SYN3: variants seen among roughly 807,000 people sequenced by gnomAD.
SYN3 encodes the protein synapsin-3.
SYN3 carries 35 observed loss-of-function variants against 65.8 expected under a neutral mutation model. That is an observed-to-expected ratio of 0.53 (90% CI 0.41 to 0.70). The LOEUF is 0.70. Among genes scored for constraint, SYN3 ranks in the 30% least tolerant of loss-of-function variants. The pLI, the probability that SYN3 is intolerant of heterozygous loss-of-function variation, is 0.00. For missense variants in SYN3, 680 were observed against 749.0 expected, an observed-to-expected ratio of 0.91 and a Z score of 1.08; for synonymous variants, 270 against 292.9, an observed-to-expected ratio of 0.92 and a Z score of 0.80.
intron 6 of SYN3, among the ~76,000 whole-genome samples, chr22:32,720,928 C>A (rs536682443): frequency 1.3e-5 from 2 of 152,274 alleles, no homozygotes; most frequent in South Asian, 4.2e-4. Flanking sequence ...CTTCCCCTGC[C>A]GTTGAAATAG....
chr22:32,731,131 C>A (rs1324424425), intron 6 of SYN3, among the ~76,000 whole-genome samples: 1 of 152,206 alleles, frequency 6.6e-6, no homozygotes, highest in Non-Finnish European at 1.5e-5. Flanking sequence ...CCCTAGTGCT[C>A]AGCCCAGCTC....
chr22:33,021,223 G>A (rs1749528957), intron 1 of SYN3, among the ~76,000 whole-genome samples: 2 of 152,140 alleles, frequency 1.3e-5, no homozygotes, highest in Non-Finnish European at 1.5e-5. Flanking sequence ...GCAAAGTGGG[G>A]ATACCAATAC....
chr22:32,675,544 G>A (rs1601890993), intron 6 of SYN3, among the ~76,000 whole-genome samples: 1 of 152,098 alleles, frequency 6.6e-6, no homozygotes, highest in Non-Finnish European at 1.5e-5. Flanking sequence ...ATTAAAAAGT[G>A]CCTCCTGCAA....
intron 3 of SYN3, among the ~76,000 whole-genome samples, chr22:32,967,285 A>T (rs557792982): frequency 6.6e-6 from 1 of 152,290 alleles, no homozygotes; most frequent in East Asian, 1.9e-4. Context: ...CTGGACCAAA[A>T]CGGGTCCAGT....
intron 7 of SYN3, among the ~76,000 whole-genome samples, chr22:32,545,599 T>G (rs891349942): frequency 1.3e-5 from 2 of 152,174 alleles, no homozygotes; most frequent in African/African-American, 4.8e-5. Flanking sequence ...CTTACTCTGT[T>G]GCCCAGGCTG....
chr22:33,003,752 T>G lies in SYN3; in HGVS notation c.311+2600A>C, dbSNP rs534630575. Among the ~76,000 whole-genome samples, 316 of 152,344 alleles carry G rather than the reference T, an allele frequency of 2.1e-3. 1 individual carries two copies. Among genetic ancestry groups the G allele is most frequent in the Non-Finnish European group, 3.7e-3 (251 of 68,022 alleles). ...AGCCCACTGCAGAAATTTGCATAAG[T>G]AACAAGGAGCCGAATGTTTATTACC... On this transcript the variant is annotated intron_variant, in intron 2 of 13. Coordinates refer to ENST00000358763, the MANE Select transcript of SYN3 (RefSeq NM_003490.4).
chr22:32,675,101 T>C (rs1158486139), intron 6 of SYN3, among the ~76,000 whole-genome samples: 1 of 152,146 alleles, frequency 6.6e-6, no homozygotes, highest in Non-Finnish European at 1.5e-5. Context: ...ACAAATGTGG[T>C]TGAAACAGAA....
intron 6 of SYN3, among the ~76,000 whole-genome samples, chr22:32,792,570 T>C (rs2046346355): frequency 6.6e-6 from 1 of 152,304 alleles, no homozygotes; most frequent in Middle Eastern, 3.4e-3. Context: ...GTAATACGAA[T>C]GTAAATTTCC....
chr22:32,599,808 G>C (rs1242071660), intron 6 of SYN3, among the ~76,000 whole-genome samples: 1 of 152,148 alleles, frequency 6.6e-6, no homozygotes. Flanking sequence ...TATGTGTCTT[G>C]TGCTGGTTGG....
rs112565483 is a variant in SYN3 at position 32,543,732 on chromosome 22, C to T, written c.775-2019G>A. 1.2e-4 allele frequency among the ~76,000 whole-genome samples: 18 copies of T among 152,094 alleles called. 1 individual carries two copies. Among genetic ancestry groups the T allele is most frequent in the African/African-American group, 3.6e-4 (15 of 41,492 alleles). On this transcript the variant is annotated intron_variant, in intron 7 of 13. Coordinates refer to ENST00000358763, the MANE Select transcript of SYN3 (RefSeq NM_003490.4). Reference sequence around the variant, plus strand: ...TGTGCCTGAGTCTCCAAGCTCTGGCCGGTGAAACCTGGGTAGCCGTGATAT... The same window carrying T: ...TGTGCCTGAGTCTCCAAGCTCTGGCTGGTGAAACCTGGGTAGCCGTGATAT...
intron 4 of SYN3, among the ~76,000 whole-genome samples, chr22:32,880,529 CT>C (rs1280549601): frequency 3.2e-4 from 48 of 152,178 alleles, no homozygotes; most frequent in Non-Finnish European, 4.4e-5. Flanking sequence ...CACTGACCCC[CT>C]GGTGGGTGGT....
At chr22:32,693,001 G>A (rs1376419101) in intron 6 of SYN3, among the ~76,000 whole-genome samples, 1 of 152,100 alleles carries the variant, frequency 6.6e-6, no homozygotes, top group African/African-American at 2.4e-5. Context: ...TGGATGTGCA[G>A]TAGCCCCCTT....
intron 9 of SYN3, among the ~76,000 whole-genome samples, chr22:32,537,345 G>A (rs994044595): frequency 6.6e-6 from 1 of 152,132 alleles, no homozygotes; most frequent in East Asian, 1.9e-4. Flanking sequence ...CTGTAGTAGA[G>A]ATGGGGTTTC....
At chr22:32,689,188 A>G (rs1285717784) in intron 6 of SYN3, among the ~76,000 whole-genome samples, 1 of 152,188 alleles carries the variant, frequency 6.6e-6, no homozygotes. Context: ...GGGCAGCTGA[A>G]AAGTCTAGTC....
chr22:32,598,636 C>T (rs983774585), intron 6 of SYN3, among the ~76,000 whole-genome samples: 2 of 152,024 alleles, frequency 1.3e-5, no homozygotes, highest in East Asian at 1.9e-4. Context: ...CAGGCATGTG[C>T]CACCATGCCT....
At chr22:32,688,342 GTTAC>G (rs1402609648) in intron 6 of SYN3, among the ~76,000 whole-genome samples, 18 of 152,300 alleles carry the variant, frequency 1.2e-4, no homozygotes, top group African/African-American at 4.3e-4. Context: ...TGGGTGAACA[GTTAC>G]TTCTGCTACT....
intron 6 of SYN3, among the ~76,000 whole-genome samples, chr22:32,630,991 T>C (rs2059739282): frequency 6.6e-6 from 1 of 152,164 alleles, no homozygotes; most frequent in Non-Finnish European, 1.5e-5. Context: ...GCCAGAGGGA[T>C]GTTTAAAAAT....
chr22:32,649,743 G>A (rs554250168), intron 6 of SYN3, among the ~76,000 whole-genome samples: 4 of 152,160 alleles, frequency 2.6e-5, no homozygotes, highest in African/African-American at 7.2e-5. Flanking sequence ...GGGGGTGGCC[G>A]GACAGGGAAG....
chr22:32,877,342 GCA>G (rs2049010373), intron 4 of SYN3, among the ~76,000 whole-genome samples: 1 of 152,166 alleles, frequency 6.6e-6, no homozygotes, highest in Non-Finnish European at 1.5e-5. Context: ...TGAATCCGAG[GCA>G]CAGAGCAGCT....
Sources: allele counts gnomAD v4.1 joint callset (sites outside exome capture counted in the v4.1 genomes callset), GRCh38; gene constraint gnomAD v4.1.1; transcripts MANE v1.5; gene names NCBI Gene and HGNC (gene_info 2026-07-23, HGNC 2026-07-21).